NEDD1: variants seen among roughly 807,000 people sequenced by gnomAD.
The protein encoded by NEDD1 is NEDD1 gamma-tubulin ring complex targeting factor, also known as protein NEDD1.
A neutral mutation model predicts 74.0 loss-of-function variants in NEDD1; 33 were observed. That is an observed-to-expected ratio of 0.45 (90% CI 0.34 to 0.60). The LOEUF is 0.60. Ranked by LOEUF, NEDD1 falls within the 20% of genes least tolerant of loss-of-function variation. NEDD1 has a pLI of 0.01. For missense variants in NEDD1, 746 were observed against 776.5 expected (o/e 0.96, Z 0.47); for synonymous variants, 250 against 264.4 (o/e 0.95, Z 0.53).
In NEDD1 at chr12:96,915,235, C is replaced by T. The variant is rs12304966; in HGVS notation, c.232-2386C>T. Among the ~76,000 whole-genome samples the T allele has an allele frequency of 5.0e-3, 754 of 152,292 alleles. 4 individuals carry two copies. The highest frequency in any genetic ancestry group is 0.017 in the African/African-American group (708 of 41,558). The stretch of plus-strand genomic sequence containing the variant: ...GAACCCTGGGGTCCACAGAAGTGAA[C>T]ACAAATCTATTTGATTTCCTTGAAG... On this transcript the variant is annotated intron_variant, in intron 4 of 15. Coordinates refer to ENST00000266742, the MANE Select transcript of NEDD1 (RefSeq NM_152905.4).
intron 4 of NEDD1, among the ~76,000 whole-genome samples, chr12:96,913,469 G>T (rs1443500236): frequency 1.3e-5 from 2 of 151,922 alleles, no homozygotes; most frequent in Non-Finnish European, 2.9e-5. Flanking sequence ...CGCCTCCCCA[G>T]TTCAAGCGAT....
intron 6 of NEDD1, among the ~76,000 whole-genome samples, chr12:96,922,810 A>G (rs773279632): frequency 6.6e-6 from 1 of 152,172 alleles, no homozygotes; most frequent in Non-Finnish European, 1.5e-5. Flanking sequence ...TCACTACCTC[A>G]TATTTTATGA....
At chr12:96,921,050 G>A (rs1427803803) in intron 6 of NEDD1, among the ~76,000 whole-genome samples, 1 of 152,086 alleles carries the variant, frequency 6.6e-6, no homozygotes, top group Admixed American at 6.6e-5. Context: ...AATAAAATAG[G>A]GAAAATTGAA....
intron 10 of NEDD1, 101 bp from the exon 11 acceptor site, chr12:96,942,476 G>T: frequency 1.5e-6 from 1 of 685,680 alleles, no homozygotes; most frequent in Non-Finnish European, 2.6e-6. Flanking sequence ...AGCTTTTTAA[G>T]ATTGTTAGTC....
rs1009907674 is a variant in NEDD1 at position 96,952,726 on chromosome 12, A to G, written c.*673A>G. On this transcript the variant is annotated 3_prime_UTR_variant, in exon 16 of 16. Coordinates refer to ENST00000266742, the MANE Select transcript of NEDD1 (RefSeq NM_152905.4). ...TTTTAAGATATCTTTACCTATAAAA[A>G]ATGTTTAAGGTTCATAGGACTCGAC... The G allele has an allele frequency of 2.6e-5, 4 of 151,832 alleles. No individual in the cohort carries two copies. The highest frequency in any genetic ancestry group is 9.6e-5 in the African/African-American group (4 of 41,516). The allele number at this position is 151,832 out of a possible 1,614,324, so 9.4% of individuals were successfully genotyped here. A position where few individuals can be genotyped will look rare whatever the true frequency, so the allele number is the denominator to read the frequency against.
chr12:96,936,818 A>G lies in NEDD1; in HGVS notation c.921+6A>G, dbSNP rs1877151547. ...ACTCCACTGTTCTTACTAAGGTGAG[A>G]CATTTTCTTTTCAGCATTTTTTATT... On this transcript the variant is annotated splice_donor_region_variant and intron_variant, in intron 8 of 15. Transcript: ENST00000266742. 6.4e-7 allele frequency: 1 copy of G among 1,560,252 alleles called. No individual in the cohort carries two copies. Among genetic ancestry groups the G allele is most frequent in the African/African-American group, 1.4e-5 (1 of 73,530 alleles).
At chr12:96,947,220 T>C (rs1878283167) in intron 14 of NEDD1, among the ~76,000 whole-genome samples, 1 of 152,214 alleles carries the variant, frequency 6.6e-6, no homozygotes, top group Non-Finnish European at 1.5e-5. Flanking sequence ...TATACGTTTT[T>C]TTCAGGAGTG....
intron 6 of NEDD1, among the ~76,000 whole-genome samples, chr12:96,930,467 C>G (rs755638361): frequency 1.3e-5 from 2 of 152,128 alleles, no homozygotes; most frequent in African/African-American, 2.4e-5. Flanking sequence ...TGCTTAACCC[C>G]TTCCAGGACC....
intron 11 of NEDD1, among the ~76,000 whole-genome samples, chr12:96,942,905 T>TA (rs34255398): frequency 0.37 from 55,865 of 151,728 alleles, 11,261 homozygotes; most frequent in Non-Finnish European, 0.42. Flanking sequence ...TGGCTGGAGA[T>TA]ATCAGTTCCA....
chr12:96,926,206 G>A (rs1875671358), intron 6 of NEDD1, among the ~76,000 whole-genome samples: 1 of 152,074 alleles, frequency 6.6e-6, no homozygotes, highest in South Asian at 2.1e-4. Flanking sequence ...TAGATTTAAT[G>A]TGTTCCCTCC....
chr12:96,930,682 T>C (rs979671316), intron 6 of NEDD1, among the ~76,000 whole-genome samples: 1 of 152,066 alleles, frequency 6.6e-6, no homozygotes, highest in African/African-American at 2.4e-5. Flanking sequence ...TTAGGCAGAG[T>C]GAGTGAGCCA....
intron 9 of NEDD1, among the ~76,000 whole-genome samples, chr12:96,938,545 C>A (rs1001218882): frequency 6.6e-6 from 1 of 152,022 alleles, no homozygotes; most frequent in Non-Finnish European, 1.5e-5. Context: ...ACAAAGACAG[C>A]ATTAATTTGC....
chr12:96,939,159 A>G (rs770797903), intron 9 of NEDD1, among the ~76,000 whole-genome samples: 10 of 152,036 alleles, frequency 6.6e-5, no homozygotes, highest in East Asian at 1.9e-4. Context: ...TGTTGCTTCT[A>G]TTGAAGTTGT....
chr12:96,915,229 A>G (rs1464962126), intron 4 of NEDD1, among the ~76,000 whole-genome samples: 2 of 152,222 alleles, frequency 1.3e-5, no homozygotes, highest in African/African-American at 4.8e-5. Flanking sequence ...GGTCCACAGA[A>G]GTGAACACAA....
chr12:96,934,851 C>G (rs1397889623), intron 6 of NEDD1, 125 bp from the exon 7 acceptor site: 2 of 678,352 alleles, frequency 2.9e-6, no homozygotes, highest in Admixed American at 2.4e-5. Flanking sequence ...ACCTGTCACT[C>G]TTACACATCA....
At chr12:96,943,788 C>T in intron 12 of NEDD1, 26 bp downstream of exon 12, 3 of 1,452,342 alleles carry the variant, frequency 2.1e-6, no homozygotes, top group Non-Finnish European at 2.9e-6. Flanking sequence ...TGATACTGAA[C>T]TCACTGTATG....
chr12:96,929,554 T>TACAC (rs1491227242), intron 6 of NEDD1, among the ~76,000 whole-genome samples: 1 of 82,916 alleles, frequency 1.2e-5, no homozygotes, highest in Non-Finnish European at 2.3e-5. Flanking sequence ...TGTTTTCATG[T>TACAC]ATACACACAC....
chr12:96,945,618 C>T (rs1421055413), intron 13 of NEDD1, 75 bp from the exon 14 acceptor site: 4 of 941,760 alleles, frequency 4.2e-6, no homozygotes, highest in Non-Finnish European at 6.5e-6. Flanking sequence ...TTGCACATGC[C>T]AAATCTTATT....
intron 4 of NEDD1, among the ~76,000 whole-genome samples, chr12:96,916,697 G>T (rs948330692): frequency 6.6e-6 from 1 of 151,292 alleles, no homozygotes; most frequent in African/African-American, 2.4e-5. Flanking sequence ...GCTATTGTGA[G>T]TAATGCCGCA....
Sources: allele counts gnomAD v4.1 joint callset (sites outside exome capture counted in the v4.1 genomes callset), GRCh38; gene constraint gnomAD v4.1.1; transcripts MANE v1.5; gene names NCBI Gene and HGNC (gene_info 2026-07-23, HGNC 2026-07-21).